Variants in LCOR observed in about 807,000 individuals in gnomAD.
The protein encoded by LCOR is ligand dependent nuclear receptor corepressor, also known as ligand-dependent corepressor.
LCOR carries 14 observed loss-of-function variants against 64.4 expected under a neutral mutation model. That is an observed-to-expected ratio of 0.22 (90% CI 0.14 to 0.34). The LOEUF (loss-of-function observed/expected upper bound fraction) is 0.34, where lower values mean the gene tolerates loss of function less well. Among genes scored for constraint, LCOR ranks in the 10% least tolerant of loss-of-function variants. The pLI, the probability that LCOR is intolerant of heterozygous loss-of-function variation, is 1.00. For missense variants in LCOR, 1,686 were observed against 1,765.3 expected (o/e 0.96, Z 0.80); for synonymous variants, 643 against 642.5 (o/e 1.00, Z -0.01).
At chr10:96,921,816 G>A (rs1409370320) in intron 4 of LCOR, among the ~76,000 whole-genome samples, 1 of 152,188 alleles carries the variant, frequency 6.6e-6, no homozygotes, top group Admixed American at 6.5e-5. Flanking sequence ...CAGTTGCTGA[G>A]AAGAATTGTT....
chr10:96,893,361 T>G (rs75061984), intron 2 of LCOR, among the ~76,000 whole-genome samples: 1,849 of 152,336 alleles, frequency 0.012, 25 homozygotes, highest in Middle Eastern at 0.037. Context: ...CACTTTATAA[T>G]ATAATATCTC....
At chr10:96,870,604 G>GTCATCCTCGAATATTAAACCTGAGC (rs1161907259) in intron 2 of LCOR, among the ~76,000 whole-genome samples, 2 of 152,106 alleles carry the variant, frequency 1.3e-5, no homozygotes, top group African/African-American at 4.8e-5. Flanking sequence ...TTGGAATTAC[G>GTCATCCTCGAATATTAAACCTGAGC]TCATCCTCGA....
intron 2 of LCOR, among the ~76,000 whole-genome samples, chr10:96,873,571 C>CATAT (rs759335426): frequency 4.0e-5 from 5 of 126,340 alleles, no homozygotes; most frequent in African/African-American, 1.4e-4. Flanking sequence ...CACACACACA[C>CATAT]GTGTGTGTGT....
At position 96,988,726 on chromosome 10, in the gene LCOR, A is replaced by T. The variant is rs1285497313; in HGVS notation, c.*3592A>T. 1 of 152,198 alleles carries T rather than the reference A, an allele frequency of 6.6e-6. No homozygotes were observed. The highest frequency in any genetic ancestry group is 1.5e-5 in the Non-Finnish European group (1 of 68,036). 9.4% of individuals were successfully genotyped at this position (152,198 alleles called of 1,614,324 possible). On this transcript the variant is annotated 3_prime_UTR_variant, in exon 8 of 8. Coordinates refer to ENST00000421806, the MANE Select transcript of LCOR (RefSeq NM_001346516.2). The stretch of plus-strand genomic sequence containing the variant: ...GCATGCTATGTGATACAAGCTGGAG[A>T]TGCTGTAGTGTTACTATCAGCAAGT...
chr10:96,863,149 C>G (rs966376239), intron 2 of LCOR, among the ~76,000 whole-genome samples: 1 of 150,110 alleles, frequency 6.7e-6, no homozygotes, highest in African/African-American at 2.5e-5. Flanking sequence ...TCCCAGAGTG[C>G]TGGGATTAGA....
intron 5 of LCOR, among the ~76,000 whole-genome samples, chr10:96,948,160 GTTC>G (rs1434508374): frequency 1.3e-5 from 2 of 152,090 alleles, no homozygotes; most frequent in Admixed American, 6.5e-5. Flanking sequence ...GAGTTAATGA[GTTC>G]TTATGGTTTA....
intron 7 of LCOR, among the ~76,000 whole-genome samples, chr10:96,975,922 G>C (rs1848036249): frequency 6.6e-6 from 1 of 152,078 alleles, no homozygotes; most frequent in African/African-American, 2.4e-5. Flanking sequence ...GGCTGAGCCA[G>C]GAGGGTTGCT....
At chr10:96,867,006 G>T (rs913106973) in intron 2 of LCOR, among the ~76,000 whole-genome samples, 3 of 151,502 alleles carry the variant, frequency 2.0e-5, no homozygotes, top group African/African-American at 4.9e-5. Context: ...TATTTTTTTT[G>T]AGATGGAGTT....
intron 7 of LCOR, among the ~76,000 whole-genome samples, chr10:96,953,257 CA>C (rs1847712757): frequency 6.6e-6 from 1 of 151,718 alleles, no homozygotes; most frequent in African/African-American, 2.4e-5. Flanking sequence ...ATTTATATAT[CA>C]AAAAATACTT....
chr10:96,870,712 C>G (rs1220384052), intron 2 of LCOR, among the ~76,000 whole-genome samples: 1 of 152,130 alleles, frequency 6.6e-6, no homozygotes, highest in Non-Finnish European at 1.5e-5. Context: ...ATGTCTGTGC[C>G]CTCTAAAATA....
intron 4 of LCOR, among the ~76,000 whole-genome samples, chr10:96,936,198 G>A (rs1171494105): frequency 6.6e-6 from 1 of 152,232 alleles, no homozygotes; most frequent in Non-Finnish European, 1.5e-5. Context: ...TCAGGCAAAG[G>A]AAATTAGAAA....
At chr10:96,970,427 ATTGAC>A (rs1371772800) in intron 7 of LCOR, among the ~76,000 whole-genome samples, 7 of 151,700 alleles carry the variant, frequency 4.6e-5, no homozygotes, top group Non-Finnish European at 7.4e-5. Flanking sequence ...TAAAAAATAA[ATTGAC>A]TTGAGGTATT....
chr10:96,869,529 A>G (rs1476526845), intron 2 of LCOR, among the ~76,000 whole-genome samples: 1 of 151,064 alleles, frequency 6.6e-6, no homozygotes, highest in African/African-American at 2.4e-5. Context: ...TTTTGAATGA[A>G]CAGAAATTAG....
At chr10:96,869,226 G>A (rs1846029904) in intron 2 of LCOR, among the ~76,000 whole-genome samples, 2 of 151,884 alleles carry the variant, frequency 1.3e-5, no homozygotes, top group Admixed American at 6.6e-5. Context: ...GTTTGTTTTG[G>A]CGGGGGGTCA....
intron 4 of LCOR, among the ~76,000 whole-genome samples, chr10:96,913,945 A>C (rs1335535440): frequency 6.6e-6 from 1 of 152,036 alleles, no homozygotes; most frequent in Non-Finnish European, 1.5e-5. Context: ...GTGTTTTTGA[A>C]GAATATATAA....
At chr10:96,919,288 TTTTC>T (rs1443574576) in intron 4 of LCOR, among the ~76,000 whole-genome samples, 1 of 152,174 alleles carries the variant, frequency 6.6e-6, no homozygotes, top group Non-Finnish European at 1.5e-5. Context: ...AGAGTCAGTA[TTTTC>T]TTTCTTTCTG....
At chr10:96,894,811 A>G (rs1241190016) in intron 2 of LCOR, among the ~76,000 whole-genome samples, 1 of 152,214 alleles carries the variant, frequency 6.6e-6, no homozygotes, top group Non-Finnish European at 1.5e-5. Flanking sequence ...GTTTCCTTTC[A>G]GAATCCTCGG....
chr10:96,897,701 T>C (rs980242370), intron 2 of LCOR, among the ~76,000 whole-genome samples: 15 of 152,210 alleles, frequency 9.9e-5, no homozygotes, highest in African/African-American at 3.6e-4. Context: ...ATCTTTTTTG[T>C]TTTATTTCTA....
chr10:96,930,008 A>G (rs1362130432), intron 4 of LCOR, among the ~76,000 whole-genome samples: 1 of 152,238 alleles, frequency 6.6e-6, no homozygotes, highest in African/African-American at 2.4e-5. Context: ...CTACAGTAAC[A>G]TAAAAAATCA....
Sources: gnomAD v4.1 joint callset for allele counts (sites outside exome capture counted in the v4.1 genomes callset) on GRCh38, gnomAD v4.1.1 for gene constraint, MANE v1.5 for transcripts, NCBI Gene and HGNC (gene_info 2026-07-23, HGNC 2026-07-21) for gene names.